Variants in KLHL3 observed in about 807,000 individuals in gnomAD.
KLHL3 encodes the protein kelch-like protein 3.
KLHL3 carries 19 observed loss-of-function variants against 70.5 expected under a neutral mutation model. The ratio of observed to expected loss-of-function variants is 0.27; its 90% CI spans 0.19 to 0.40. The LOEUF is 0.40. Among genes scored for constraint, KLHL3 ranks in the 10% least tolerant of loss-of-function variants. KLHL3 has a pLI of 1.00. For synonymous variants in KLHL3, 258 were observed against 290.3 expected (o/e 0.89, Z 1.13); for missense variants, 512 against 771.1 (o/e 0.66, Z 3.98).
chr5:137,628,716 C>T (rs201161941), intron 12 of KLHL3: 21 of 153,554 alleles, frequency 1.4e-4, no homozygotes, highest in South Asian at 2.8e-4. Flanking sequence ...TATATATACA[C>T]ACACACAGAC....
At chr5:137,687,035 C>T (rs1465234118) in intron 5 of KLHL3, among the ~76,000 whole-genome samples, 69 of 99,846 alleles carry the variant, frequency 6.9e-4, no homozygotes, top group Non-Finnish European at 9.3e-4. Flanking sequence ...GGGTCAGCCC[C>T]CCGCCCGGCC....
intron 5 of KLHL3, among the ~76,000 whole-genome samples, chr5:137,685,464 A>G (rs946876208): frequency 6.6e-6 from 1 of 152,282 alleles, no homozygotes; most frequent in Non-Finnish European, 1.5e-5. Flanking sequence ...GTTAAAAAGC[A>G]TAATATATAA....
chr5:137,707,467 T>C (rs1752707516), intron 3 of KLHL3: 1 of 152,242 alleles, frequency 6.6e-6, no homozygotes, highest in Non-Finnish European at 1.5e-5. Context: ...ACACATTAAA[T>C]GAACTTATGT....
intron 7 of KLHL3, among the ~76,000 whole-genome samples, chr5:137,658,662 A>G (rs1387685319): frequency 1.3e-5 from 2 of 152,234 alleles, no homozygotes; most frequent in South Asian, 2.1e-4. Flanking sequence ...ATTTGAATGC[A>G]TTATAATGCT....
At chr5:137,649,168 G>A (rs897403961) in intron 8 of KLHL3, among the ~76,000 whole-genome samples, 1 of 152,210 alleles carries the variant, frequency 6.6e-6, no homozygotes, top group African/African-American at 2.4e-5. Context: ...TTAAAGATGG[G>A]TCACAAATTC....
At chr5:137,626,505 G>A (rs1750464939) in intron 13 of KLHL3, among the ~76,000 whole-genome samples, 1 of 152,206 alleles carries the variant, frequency 6.6e-6, no homozygotes, top group African/African-American at 2.4e-5. Context: ...ATAGGAAAAT[G>A]TAATGAATTA....
chr5:137,663,641 T>G (rs1751542898), intron 6 of KLHL3, among the ~76,000 whole-genome samples: 1 of 152,196 alleles, frequency 6.6e-6, no homozygotes, highest in Non-Finnish European at 1.5e-5. Flanking sequence ...TGCAGCAAAT[T>G]CAAATTTTGC....
chr5:137,679,065 CTA>C (rs1335503876), intron 5 of KLHL3, among the ~76,000 whole-genome samples: 2 of 102,844 alleles, frequency 1.9e-5, no homozygotes, highest in African/African-American at 6.0e-5. Context: ...ACCTTCCTAA[CTA>C]TGGAAATATT....
chr5:137,718,573 T>C (rs1752939642), intron 2 of KLHL3, among the ~76,000 whole-genome samples: 1 of 152,252 alleles, frequency 6.6e-6, no homozygotes, highest in Non-Finnish European at 1.5e-5. Context: ...TGTACATATC[T>C]ATTCCTAAGT....
intron 13 of KLHL3, among the ~76,000 whole-genome samples, chr5:137,627,494 A>T (rs1750506387): frequency 1.0e-5 from 1 of 96,954 alleles, no homozygotes; most frequent in Non-Finnish European, 2.1e-5. Context: ...CCCCCGGTTT[A>T]CACTTCCAAG....
At chr5:137,708,907 T>C (rs1157919601) in intron 3 of KLHL3, among the ~76,000 whole-genome samples, 3 of 152,138 alleles carry the variant, frequency 2.0e-5, no homozygotes, top group Non-Finnish European at 2.9e-5. Context: ...TTGGAAAGCA[T>C]GTAGAAGGGA....
intron 1 of KLHL3, among the ~76,000 whole-genome samples, chr5:137,730,438 A>C (rs760316732): frequency 2.0e-5 from 3 of 152,236 alleles, no homozygotes; most frequent in African/African-American, 4.8e-5. Flanking sequence ...AGTGTTATTA[A>C]TTGTATTGAA....
At chr5:137,702,463 G>A (rs2949466) in intron 3 of KLHL3, among the ~76,000 whole-genome samples, 118,676 of 152,082 alleles carry the variant, frequency 0.78, 46,527 homozygotes, top group East Asian at 0.98. Context: ...AACAAGTTCA[G>A]TCTGGCTGGA....
chr5:137,711,908 C>T (rs1453417422), intron 2 of KLHL3, among the ~76,000 whole-genome samples: 1 of 151,726 alleles, frequency 6.6e-6, no homozygotes, highest in Non-Finnish European at 1.5e-5. Context: ...AATAACCACA[C>T]TTTGGGAGGC....
chr5:137,695,438 A>G (rs1456326614), intron 4 of KLHL3, among the ~76,000 whole-genome samples: 1 of 151,944 alleles, frequency 6.6e-6, no homozygotes, highest in Non-Finnish European at 1.5e-5. Flanking sequence ...GTCAAAGGCC[A>G]TTTTCTTCCT....
At position 137,639,190 on chromosome 5, in the gene KLHL3, C is replaced by T. The variant is rs11957567; in HGVS notation, c.1022-40G>A. ...ACCAAGACATCAAGGTCAGGTCAGG[C>T]GCATGACTGCTCATGTTGATGGATG... On this transcript the variant is annotated intron_variant, in intron 9 of 14. Transcript: ENST00000309755. This position sits in a 1 kb window ranked among gnomAD's most constrained non-coding sequence, Gnocchi z 5.0. The T allele has an allele frequency of 0.037, 59,433 of 1,587,954 alleles. 3,272 individuals are homozygous for T. The highest frequency in any genetic ancestry group is 0.26 in the African/African-American group (19,454 of 74,546).
intron 8 of KLHL3, among the ~76,000 whole-genome samples, chr5:137,648,412 T>C (rs13356664): frequency 6.6e-6 from 1 of 152,366 alleles, no homozygotes; most frequent in East Asian, 1.9e-4. Flanking sequence ...CCAACTGAAC[T>C]GGAATGACAG....
Position 137,698,313 on chromosome 5 carries a change from T to C in KLHL3, c.337A>G (p.Ile113Val). 1.2e-6 allele frequency: 2 copies of C among 1,614,236 alleles called. No individual in the cohort carries two copies. Among genetic ancestry groups the C allele is most frequent in the Non-Finnish European group, 1.7e-6 (2 of 1,180,028 alleles). Residue 113 changes from isoleucine (I) to valine (V), a missense_variant, in exon 4 of 15, where the codon ATC becomes GTC. Coordinates refer to ENST00000309755, the MANE Select transcript of KLHL3 (RefSeq NM_017415.3). ...TGGACATTCTCTTCAGTCACCTCGA[T>C]TTCAGCAGTATAGATGTAGTCAATC... is the stretch of plus-strand genomic sequence containing the variant. ...KLIDYIYTAE[I>V]EVTEENVQVL...
At chr5:137,673,056 T>C (rs1424948757) in intron 6 of KLHL3, 1 of 152,190 alleles carries the variant, frequency 6.6e-6, no homozygotes, top group Non-Finnish European at 1.5e-5. Context: ...CTAAGAAGAA[T>C]GTGTGTTCAG....
Sources: gnomAD v4.1 joint callset for allele counts (sites outside exome capture counted in the v4.1 genomes callset) on GRCh38, gnomAD v4.1.1 for gene constraint, Gnocchi (gnomAD v3.1) non-coding constraint, MANE v1.5 for transcripts, NCBI Gene and HGNC (gene_info 2026-07-23, HGNC 2026-07-21) for gene names.